The following PTPRD variants were observed in gnomAD, a reference collection of about 807,000 sequenced individuals.
PTPRD encodes protein tyrosine phosphatase receptor type D, also known as receptor-type tyrosine-protein phosphatase delta.
Under a neutral mutation model 214.5 loss-of-function variants are expected in PTPRD, and 34 were observed. That is an observed-to-expected ratio of 0.16 (90% CI 0.12 to 0.21). PTPRD has a LOEUF of 0.21. Among genes scored for constraint, PTPRD ranks in the 10% least tolerant of loss-of-function variants. The pLI is 1.00. For missense variants in PTPRD, 2,545 were observed against 2,398.7 expected (o/e 1.06, Z -1.27); for synonymous variants, 1,128 against 845.7 (o/e 1.33, Z -5.79).
chr9:10,259,833 G>C (rs1263087349), intron 3 of PTPRD, among the ~76,000 whole-genome samples: 1 of 152,258 alleles, frequency 6.6e-6, no homozygotes, highest in East Asian at 1.9e-4. Flanking sequence ...CAAAGTCCCA[G>C]GCAGAGAATC....
intron 2 of PTPRD, among the ~76,000 whole-genome samples, chr9:10,512,121 G>T (rs1206639229): frequency 1.3e-5 from 2 of 149,364 alleles, no homozygotes; most frequent in African/African-American, 4.9e-5. Flanking sequence ...TCAAGAGGTT[G>T]CCAGATCAGG....
At chr9:9,072,730 G>A (rs324481) in intron 10 of PTPRD, among the ~76,000 whole-genome samples, 20,602 of 152,050 alleles carry the variant, frequency 0.14, 1,768 homozygotes, top group Non-Finnish European at 0.19. Flanking sequence ...TACGTAGCAG[G>A]GACTTGACGA....
chr9:8,861,955 T>C (rs2098114420), intron 11 of PTPRD: 1 of 152,242 alleles, frequency 6.6e-6, no homozygotes, highest in Admixed American at 6.5e-5. Flanking sequence ...AATAACAATA[T>C]TCACTTCTAC....
At chr9:9,356,059 T>A (rs916598174) in intron 9 of PTPRD, among the ~76,000 whole-genome samples, 2 of 151,170 alleles carry the variant, frequency 1.3e-5, no homozygotes, top group African/African-American at 4.8e-5. Flanking sequence ...AATGATGGAG[T>A]AAAAGCCTAA....
At chr9:9,659,619 A>G (rs1314365130) in intron 7 of PTPRD, among the ~76,000 whole-genome samples, 2 of 152,084 alleles carry the variant, frequency 1.3e-5, no homozygotes, top group South Asian at 2.1e-4. Context: ...ACCCTGAAAA[A>G]AAGCTTTTCC....
At chr9:10,025,057 T>C (rs1284203943) in intron 4 of PTPRD, among the ~76,000 whole-genome samples, 2 of 151,896 alleles carry the variant, frequency 1.3e-5, no homozygotes, top group Non-Finnish European at 2.9e-5. Flanking sequence ...TGGTTCCAAG[T>C]CTTTGCTATT....
intron 32 of PTPRD, among the ~76,000 whole-genome samples, chr9:8,464,714 C>CG (rs1320604893): frequency 3.9e-5 from 2 of 50,848 alleles, no homozygotes; most frequent in African/African-American, 2.2e-4. Context: ...ATATCTCTCC[C>CG]CTTTTTTTTT....
At chr9:9,624,247 A>T (rs1023571722) in intron 7 of PTPRD, among the ~76,000 whole-genome samples, 2 of 151,114 alleles carry the variant, frequency 1.3e-5, no homozygotes, top group African/African-American at 2.4e-5. Context: ...GACTATTTCT[A>T]TTACTTTGTA....
intron 4 of PTPRD, among the ~76,000 whole-genome samples, chr9:9,960,901 A>C (rs572876632): frequency 6.6e-6 from 1 of 152,152 alleles, no homozygotes; most frequent in Non-Finnish European, 1.5e-5. Flanking sequence ...AAATTTTTGC[A>C]ATCTACTCAT....
intron 8 of PTPRD, among the ~76,000 whole-genome samples, chr9:9,491,123 G>A (rs1245091135): frequency 2.0e-5 from 3 of 151,884 alleles, no homozygotes; most frequent in Non-Finnish European, 4.4e-5. Flanking sequence ...CATGCAAATA[G>A]TAAGCAAAAG....
chr9:8,829,686 A>G (rs1473159088), intron 11 of PTPRD, among the ~76,000 whole-genome samples: 2 of 152,166 alleles, frequency 1.3e-5, no homozygotes, highest in Non-Finnish European at 2.9e-5. Flanking sequence ...AAGATAGTAC[A>G]CATTAATGCA....
chr9:8,822,113 C>CCT (rs376558338), intron 11 of PTPRD, among the ~76,000 whole-genome samples: 10 of 152,300 alleles, frequency 6.6e-5, no homozygotes, highest in African/African-American at 2.4e-4. Flanking sequence ...TTTTGTTTTG[C>CCT]TTAGTAAGCA....
chr9:8,352,937 C>A (rs1332675719), intron 39 of PTPRD, among the ~76,000 whole-genome samples: 1 of 151,980 alleles, frequency 6.6e-6, no homozygotes, highest in Non-Finnish European at 1.5e-5. Context: ...ATGGTGAAAC[C>A]CCGTCTCTAC....
intron 11 of PTPRD, among the ~76,000 whole-genome samples, chr9:8,755,529 CAA>C (rs1555277291): frequency 1.2e-4 from 11 of 88,494 alleles, no homozygotes; most frequent in Non-Finnish European, 1.4e-4. Flanking sequence ...AACTCTGTCT[CAA>C]AAAAAAAAAA....
chr9:8,711,345 G>A (rs893796605), intron 12 of PTPRD, among the ~76,000 whole-genome samples: 1 of 151,744 alleles, frequency 6.6e-6, no homozygotes, highest in African/African-American at 2.4e-5. Context: ...GATATAATTG[G>A]CATATTATAA....
intron 43 of PTPRD, among the ~76,000 whole-genome samples, chr9:8,334,067 T>TA (rs1844202129): frequency 6.6e-6 from 1 of 152,116 alleles, no homozygotes; most frequent in Non-Finnish European, 1.5e-5. Context: ...CAAAGAGACT[T>TA]AGACTCCCAC....
chr9:10,065,959 C>T (rs1404767999), intron 3 of PTPRD, among the ~76,000 whole-genome samples: 2 of 151,848 alleles, frequency 1.3e-5, no homozygotes, highest in Non-Finnish European at 2.9e-5. Flanking sequence ...TTCCTTAAGA[C>T]ATCATTTTGA....
chr9:8,803,998 G>A (rs1484712385), intron 11 of PTPRD, among the ~76,000 whole-genome samples: 1 of 151,872 alleles, frequency 6.6e-6, no homozygotes, highest in East Asian at 1.9e-4. Flanking sequence ...TGTTGCCCAG[G>A]CTGGAGTGTA....
At chr9:10,266,652 T>C (rs1047077490) in intron 3 of PTPRD, among the ~76,000 whole-genome samples, 17 of 152,060 alleles carry the variant, frequency 1.1e-4, no homozygotes, top group Non-Finnish European at 7.4e-5. Flanking sequence ...GTAAAGAGAA[T>C]ACTTAGCAAG....
Sources: gnomAD v4.1 joint callset for allele counts (sites outside exome capture counted in the v4.1 genomes callset) on GRCh38, gnomAD v4.1.1 for gene constraint, MANE v1.5 for transcripts, NCBI Gene and HGNC (gene_info 2026-07-23, HGNC 2026-07-21) for gene names.